NR1I2: variants seen among roughly 807,000 people sequenced by gnomAD.
The protein encoded by NR1I2 is nuclear receptor subfamily 1 group I member 2, also known as orphan nuclear receptor PAR1.
In NR1I2, 42 loss-of-function variants were observed where a neutral mutation model predicts 43.3. The observed-to-expected ratio is 0.97, with a 90% CI of 0.76 to 1.26. The LOEUF is 1.26. Ranked by LOEUF, NR1I2 falls within the 50% of genes most tolerant of loss-of-function variation. NR1I2 has a pLI of 0.00. For synonymous variants in NR1I2, 229 were observed against 215.0 expected, an observed-to-expected ratio of 1.06 and a Z score of -0.57; for missense variants, 559 against 566.7, an observed-to-expected ratio of 0.99 and a Z score of 0.14.
chr3:119,809,925 C>T (rs1405912597), intron 2 of NR1I2, 136 bp from the exon 3 acceptor site: 3 of 1,152,870 alleles, frequency 2.6e-6, no homozygotes, highest in Non-Finnish European at 2.5e-6. Context: ...AAAGCCTGAC[C>T]CAGCTGGGAC....
intron 2 of NR1I2, 87 bp downstream of exon 2, chr3:119,807,534 G>A: frequency 8.4e-7 from 1 of 1,188,794 alleles, no homozygotes; most frequent in Non-Finnish European, 1.2e-6. Flanking sequence ...TGTCCCCCAG[G>A]TTCAGAGTGT....
chr3:119,815,098 C>T lies in NR1I2; in HGVS notation c.914C>T (p.Ser305Phe). ...GGAACCTGGGAGTGTGGCCGGCTGT[C>T]CTACTGCTTGGAAGACACTGCAGGT... Residue 305 changes from serine (S) to phenylalanine (F), a missense_variant, in exon 6 of 9, where the codon TCC (serine) becomes TTC (phenylalanine). Ser to Phe is a radical substitution (Grantham distance 155). This residue lies in a region of NR1I2 where 323 missense variants were observed against 312.2 expected (regional missense o/e 1.03). Coordinates refer to ENST00000393716, the MANE Select transcript of NR1I2 (RefSeq NM_003889.4). 6.2e-7 allele frequency: 1 copy of T among 1,614,082 alleles called. No homozygotes were observed. Among genetic ancestry groups the T allele is most frequent in the Non-Finnish European group, 8.5e-7 (1 of 1,180,008 alleles).
At chr3:119,787,295 A>C (rs1354162098) in intron 1 of NR1I2, among the ~76,000 whole-genome samples, 6 of 151,978 alleles carry the variant, frequency 3.9e-5, no homozygotes, top group Non-Finnish European at 1.5e-5. Flanking sequence ...CCAAAAAAAA[A>C]AAAAAAGTTC....
At chr3:119,789,759 T>C (rs1344863257) in intron 1 of NR1I2, among the ~76,000 whole-genome samples, 4 of 152,234 alleles carry the variant, frequency 2.6e-5, no homozygotes, top group Admixed American at 1.3e-4. Context: ...GAGTGCACTG[T>C]GGCTGCCATG....
intron 1 of NR1I2, among the ~76,000 whole-genome samples, chr3:119,805,869 A>C (rs904303354): frequency 6.6e-6 from 1 of 152,206 alleles, no homozygotes; most frequent in African/African-American, 2.4e-5. Context: ...GCAAGCCTAC[A>C]TAAAGTCAGG....
intron 1 of NR1I2, among the ~76,000 whole-genome samples, chr3:119,803,203 G>A (rs1017233595): frequency 1.3e-5 from 2 of 152,052 alleles, no homozygotes; most frequent in Admixed American, 6.5e-5. Flanking sequence ...TGGGTATGGT[G>A]GCATGCACCT....
intron 1 of NR1I2, among the ~76,000 whole-genome samples, chr3:119,801,838 G>A (rs890840580): frequency 3.9e-5 from 6 of 152,300 alleles, no homozygotes; most frequent in East Asian, 1.9e-4. Context: ...TGGTGAGGGC[G>A]GCCGGGAGGC....
At chr3:119,794,462 G>A (rs912427593) in intron 1 of NR1I2, among the ~76,000 whole-genome samples, 1 of 150,008 alleles carries the variant, frequency 6.7e-6, no homozygotes, top group Non-Finnish European at 1.5e-5. Flanking sequence ...CCAAAGTGCT[G>A]AGATTATAGG....
At chr3:119,811,190 T>G in intron 3 of NR1I2, 5 of 224,558 alleles carry the variant, frequency 2.2e-5, no homozygotes, top group East Asian at 9.7e-5. Context: ...GCAGGAGAGG[T>G]TAAGGAGGTT....
chr3:119,798,528 T>A (rs545610798), intron 1 of NR1I2, among the ~76,000 whole-genome samples: 1 of 151,366 alleles, frequency 6.6e-6, no homozygotes, highest in African/African-American at 2.4e-5. Flanking sequence ...CTCCAAAAAG[T>A]ACTCGGGAGG....
At chr3:119,814,220 A>G (rs2055285471) in intron 5 of NR1I2, among the ~76,000 whole-genome samples, 1 of 152,150 alleles carries the variant, frequency 6.6e-6, no homozygotes, top group African/African-American at 2.4e-5. Flanking sequence ...CAGGCTGTGA[A>G]GCTTCCTCCT....
chr3:119,782,871 C>G, intron 1 of NR1I2: 1 of 1,594,358 alleles, frequency 6.3e-7, no homozygotes, highest in Non-Finnish European at 8.6e-7. Context: ...TCTACCTCTA[C>G]TATTGAAAGG....
In NR1I2 at chr3:119,815,118, G is replaced by A. The variant is rs773503796; in HGVS notation, c.934G>A (p.Ala312Thr). 52 of 1,614,044 alleles carry A rather than the reference G, an allele frequency of 3.2e-5. No homozygotes were observed. Among genetic ancestry groups the A allele is most frequent in the Middle Eastern group, 1.6e-4 (1 of 6,084 alleles). ...GCTGTCCTACTGCTTGGAAGACACT[G>A]CAGGTGCCCGAGAGAGCCTGCCTGC... The change falls in exon 6 of 9, where the codon GCA becomes ACA. Residue 312 changes from alanine to threonine, a missense_variant. Coordinates refer to ENST00000393716, the MANE Select transcript of NR1I2 (RefSeq NM_003889.4).
chr3:119,795,451 G>A (rs1205207467), intron 1 of NR1I2, among the ~76,000 whole-genome samples: 1 of 152,102 alleles, frequency 6.6e-6, no homozygotes, highest in Non-Finnish European at 1.5e-5. Flanking sequence ...GCCTTTCCTT[G>A]TGACTCTTCT....
Position 119,815,705 on chromosome 3 carries a change from C to A in NR1I2, c.1055-21C>A, listed in dbSNP as rs766647377. The A allele has an allele frequency of 1.4e-5, 22 of 1,595,864 alleles. No homozygotes were observed. The South Asian group carries it at 2.4e-4, about 17-fold the overall frequency. On this transcript the variant is annotated intron_variant, in intron 7 of 8. Transcript: ENST00000393716. ...CTTGTCTTTGCCCCATGATCTTGCA[C>A]CACACCTCCCTCCCCTCCAGACCGC...
Position 119,817,667 on chromosome 3 carries a change from A to C in NR1I2, c.*455A>C. 1 of 1,112,484 alleles carries C rather than the reference A, an allele frequency of 9.0e-7. No individual in the cohort carries two copies. 68.9% of individuals were successfully genotyped at this position (1,112,484 alleles called of 1,614,324 possible). On this transcript the variant is annotated 3_prime_UTR_variant, in exon 9 of 9. Coordinates refer to ENST00000393716, the MANE Select transcript of NR1I2 (RefSeq NM_003889.4). ...GCTACCTCTAATAGTCCTGTCTCCCACTTCCCACTCGTTCCCCTCCTCTTC... is the reference window on the plus strand; with the variant it reads ...GCTACCTCTAATAGTCCTGTCTCCCCCTTCCCACTCGTTCCCCTCCTCTTC...
intron 7 of NR1I2, 43 bp downstream of exon 7, chr3:119,815,482 A>G: frequency 6.7e-7 from 1 of 1,487,230 alleles, no homozygotes; most frequent in Non-Finnish European, 9.4e-7. Context: ...CCCCAGCCTT[A>G]TCTGCCCTCC....
rs370680921 is a variant in NR1I2, at chr3:119,793,528, G to A, written c.-23+11228G>A. Among the ~76,000 whole-genome samples the A allele has an allele frequency of 9.2e-5, 14 of 152,312 alleles. No homozygotes were observed. In the South Asian group the frequency reaches 1.9e-3, roughly 20 times the overall value. ...TCACCTCTTCCAGCTTCTAGATGCC[G>A]TGGCAATCCTTGGCTCACAGCCCCT... On this transcript the variant is annotated intron_variant, in intron 1 of 8. Transcript: ENST00000393716.
intron 1 of NR1I2, chr3:119,802,985 G>A (rs554173940): frequency 4.4e-6 from 2 of 456,568 alleles, no homozygotes; most frequent in African/African-American, 2.0e-5. Context: ...GACTTTGGGG[G>A]GTGATTGGGT....
Sources: gnomAD v4.1 joint callset for allele counts (sites outside exome capture counted in the v4.1 genomes callset) on GRCh38, gnomAD v4.1.1 for gene constraint, gnomAD v4.1.1 regional missense constraint, MANE v1.5 for transcripts, NCBI Gene and HGNC (gene_info 2026-07-23, HGNC 2026-07-21) for gene names.